The following GPC6 variants were observed in gnomAD, a reference collection of about 807,000 sequenced individuals.
GPC6 encodes glypican-6.
Under a neutral mutation model 55.2 loss-of-function variants are expected in GPC6, and 14 were observed. The ratio of observed to expected loss-of-function variants is 0.25; its 90% CI spans 0.17 to 0.40. The LOEUF (loss-of-function observed/expected upper bound fraction) is 0.40. GPC6 is among the 10% of genes least tolerant of loss of function. The pLI, the probability that GPC6 is intolerant of heterozygous loss-of-function variation, is 1.00. For missense variants in GPC6, 641 were observed against 708.5 expected (o/e 0.90, Z 1.08); for synonymous variants, 278 against 259.6 (o/e 1.07, Z -0.68).
intron 3 of GPC6, among the ~76,000 whole-genome samples, chr13:93,987,752 C>G (rs1318829838): frequency 6.6e-6 from 1 of 152,108 alleles, no homozygotes; most frequent in Non-Finnish European, 1.5e-5. Context: ...TTTGAAAGCT[C>G]TGTCAAGAGA....
At chr13:94,058,768 C>T (rs773886960) in intron 4 of GPC6, among the ~76,000 whole-genome samples, 3 of 151,820 alleles carry the variant, frequency 2.0e-5, no homozygotes, top group Non-Finnish European at 2.9e-5. Context: ...TCCCATGCAT[C>T]GCCTTTTATT....
chr13:93,709,566 C>A (rs1882981729), intron 2 of GPC6, among the ~76,000 whole-genome samples: 1 of 151,770 alleles, frequency 6.6e-6, no homozygotes, highest in African/African-American at 2.4e-5. Context: ...TGAAAACATC[C>A]TTTCTTCCTA....
chr13:93,221,095 C>T, the GPC6 span, among the ~76,000 whole-genome samples: 6 of 152,190 alleles, frequency 3.9e-5, no homozygotes, highest in South Asian at 1.2e-3. Flanking sequence ...GTTGCCCAGG[C>T]TGGTCTCAAA....
intron 2 of GPC6, among the ~76,000 whole-genome samples, chr13:93,666,012 G>A (rs1295870144): frequency 1.3e-5 from 2 of 152,088 alleles, no homozygotes; most frequent in African/African-American, 4.8e-5. Context: ...TCAATGTAAA[G>A]ATTGAAAAAT....
chr13:93,796,012 C>T (rs1252250599), intron 2 of GPC6, among the ~76,000 whole-genome samples: 4 of 150,908 alleles, frequency 2.7e-5, no homozygotes, highest in East Asian at 1.9e-4. Flanking sequence ...AGGGAGACCC[C>T]GTCTCCGAGA....
chr13:93,668,125 T>G (rs535822359), intron 2 of GPC6, among the ~76,000 whole-genome samples: 6 of 152,290 alleles, frequency 3.9e-5, no homozygotes, highest in East Asian at 1.9e-4. Flanking sequence ...TCATGGAAAA[T>G]TTCTCCCTGG....
intron 4 of GPC6, among the ~76,000 whole-genome samples, chr13:94,185,910 A>T (rs1032817506): frequency 6.6e-6 from 1 of 152,038 alleles, no homozygotes; most frequent in East Asian, 1.9e-4. Flanking sequence ...AATACAAAAA[A>T]TTAGCCGGGC....
chr13:94,057,783 A>G (rs1461950497), intron 4 of GPC6, among the ~76,000 whole-genome samples: 2 of 152,204 alleles, frequency 1.3e-5, no homozygotes, highest in Non-Finnish European at 2.9e-5. Flanking sequence ...AAGTGCTTCT[A>G]AGAGAGCACA....
chr13:94,238,672 G>T (rs1890955473), intron 4 of GPC6, among the ~76,000 whole-genome samples: 1 of 152,124 alleles, frequency 6.6e-6, no homozygotes, highest in Admixed American at 6.6e-5. Context: ...GGGAGCTTTG[G>T]GAATAAGCAC....
intron 4 of GPC6, among the ~76,000 whole-genome samples, chr13:94,157,975 A>G (rs543561046): frequency 2.0e-5 from 3 of 152,296 alleles, no homozygotes; most frequent in African/African-American, 7.2e-5. Context: ...ACCATGGACT[A>G]AGAGAAAGAA....
intron 1 of GPC6, among the ~76,000 whole-genome samples, chr13:93,401,276 C>G (rs1261340852): frequency 6.6e-6 from 1 of 151,418 alleles, no homozygotes; most frequent in East Asian, 2.0e-4. Context: ...CAAAGTTATT[C>G]AAATCCAGTG....
intron 2 of GPC6, among the ~76,000 whole-genome samples, chr13:93,813,029 T>C (rs1886743425): frequency 6.6e-6 from 1 of 152,224 alleles, no homozygotes; most frequent in African/African-American, 2.4e-5. Flanking sequence ...CATCCATCTC[T>C]CCTCTTCTAC....
chr13:93,670,923 C>T (rs945032707), intron 2 of GPC6, among the ~76,000 whole-genome samples: 1 of 152,170 alleles, frequency 6.6e-6, no homozygotes, highest in African/African-American at 2.4e-5. Flanking sequence ...AGAAACCATT[C>T]CCTTTCATTC....
chr13:94,266,687 A>G (rs1035029603), intron 4 of GPC6, among the ~76,000 whole-genome samples: 1 of 152,152 alleles, frequency 6.6e-6, no homozygotes, highest in South Asian at 2.1e-4. Flanking sequence ...CACTTGGTAC[A>G]TGTTTCCTAT....
chr13:94,026,905 C>T (rs542766476), intron 3 of GPC6, among the ~76,000 whole-genome samples: 2 of 152,250 alleles, frequency 1.3e-5, no homozygotes, highest in South Asian at 4.2e-4. Flanking sequence ...GTAACTGCCC[C>T]CATGATTCAC....
At chr13:93,641,738 A>G (rs989245537) in intron 2 of GPC6, among the ~76,000 whole-genome samples, 1 of 152,064 alleles carries the variant, frequency 6.6e-6, no homozygotes, top group African/African-American at 2.4e-5. Context: ...GGACCCCAGC[A>G]TATTAGTAAC....
At chr13:93,378,894 C>T (rs1319775216) in intron 1 of GPC6, among the ~76,000 whole-genome samples, 4 of 151,370 alleles carry the variant, frequency 2.6e-5, no homozygotes, top group Admixed American at 6.6e-5. Flanking sequence ...CCTCCAGAGC[C>T]TGAGGCAGGA....
At chr13:93,380,836 C>A (rs1875135771) in intron 1 of GPC6, among the ~76,000 whole-genome samples, 1 of 152,116 alleles carries the variant, frequency 6.6e-6, no homozygotes, top group Admixed American at 6.6e-5. Flanking sequence ...ACACCCCATG[C>A]AATATTGGCG....
At chr13:93,677,475 G>C (rs1430637985) in intron 2 of GPC6, among the ~76,000 whole-genome samples, 1 of 151,828 alleles carries the variant, frequency 6.6e-6, no homozygotes, top group Non-Finnish European at 1.5e-5. Flanking sequence ...CATTACAAAG[G>C]CTTATTATAT....
Sources: allele counts gnomAD v4.1 joint callset (sites outside exome capture counted in the v4.1 genomes callset), GRCh38; gene constraint gnomAD v4.1.1; transcripts MANE v1.5; gene names NCBI Gene and HGNC (gene_info 2026-07-23, HGNC 2026-07-21).